ARHGAP42: variants seen among roughly 807,000 people sequenced by gnomAD.
ARHGAP42 encodes rho GTPase-activating protein 42.
In ARHGAP42, 63 loss-of-function variants were observed where a neutral mutation model predicts 125.0. The ratio of observed to expected loss-of-function variants is 0.50; its 90% CI spans 0.41 to 0.62. ARHGAP42 has a LOEUF of 0.62. ARHGAP42 is among the 20% of genes least tolerant of loss of function. The probability of loss-of-function intolerance (pLI) is 0.00; values close to 1 mark genes in which losing one functional copy is unlikely to be tolerated. For synonymous variants in ARHGAP42, 339 were observed against 351.0 expected, an observed-to-expected ratio of 0.97 and a Z score of 0.38; for missense variants, 766 against 1,024.2, an observed-to-expected ratio of 0.75 and a Z score of 3.44.
chr11:100,925,261 A>AC (rs1244265769), intron 6 of ARHGAP42, among the ~76,000 whole-genome samples: 7 of 152,168 alleles, frequency 4.6e-5, no homozygotes, highest in African/African-American at 1.7e-4. Flanking sequence ...GCAATTACCC[A>AC]CAGCTAGTCT....
intron 1 of ARHGAP42, among the ~76,000 whole-genome samples, chr11:100,757,731 G>A (rs752406986): frequency 3.9e-5 from 6 of 152,110 alleles, no homozygotes; most frequent in Non-Finnish European, 8.8e-5. Context: ...TAAACATGTA[G>A]GATAATGAGT....
chr11:100,863,050 A>C (rs1865481436), intron 4 of ARHGAP42, among the ~76,000 whole-genome samples: 1 of 85,864 alleles, frequency 1.2e-5, no homozygotes, highest in Admixed American at 1.3e-4. Context: ...AAAAAAAAAA[A>C]AAACACAAAA....
At chr11:100,705,834 T>G (rs1456362151) in intron 1 of ARHGAP42, among the ~76,000 whole-genome samples, 2 of 152,224 alleles carry the variant, frequency 1.3e-5, no homozygotes, top group African/African-American at 2.4e-5. Context: ...CCCAGAGTGC[T>G]GGGATTATAG....
chr11:100,756,853 T>G (rs897149639), intron 1 of ARHGAP42, among the ~76,000 whole-genome samples: 8 of 152,226 alleles, frequency 5.3e-5, no homozygotes, highest in Admixed American at 4.6e-4. Flanking sequence ...TACATGTTAA[T>G]GGCTCAAATA....
intron 22 of ARHGAP42, among the ~76,000 whole-genome samples, chr11:100,986,788 G>A (rs1379837698): frequency 1.3e-5 from 2 of 151,644 alleles, no homozygotes. Context: ...CCTTTTTAGT[G>A]TTGGCTCAAA....
intron 6 of ARHGAP42, 30 bp downstream of exon 6, chr11:100,921,634 G>T (rs1377824686): frequency 1.5e-6 from 2 of 1,326,624 alleles, no homozygotes; most frequent in African/African-American, 1.5e-5. Flanking sequence ...ATAAATGGTG[G>T]GCTCAAAACA....
At chr11:100,845,951 T>C (rs1417861686) in intron 3 of ARHGAP42, among the ~76,000 whole-genome samples, 1 of 152,178 alleles carries the variant, frequency 6.6e-6, no homozygotes, top group African/African-American at 2.4e-5. Context: ...CATTGCTTAT[T>C]TATTTCTAAT....
intron 4 of ARHGAP42, among the ~76,000 whole-genome samples, chr11:100,910,929 G>A (rs1866895126): frequency 6.6e-6 from 1 of 152,048 alleles, no homozygotes; most frequent in Admixed American, 6.6e-5. Flanking sequence ...AATGATTTTT[G>A]TATTGCCAGA....
chr11:100,742,695 A>G (rs1013090326), intron 1 of ARHGAP42, among the ~76,000 whole-genome samples: 6 of 152,192 alleles, frequency 3.9e-5, no homozygotes, highest in Admixed American at 1.3e-4. Flanking sequence ...CACATAGTAC[A>G]TTAATGCCAG....
intron 4 of ARHGAP42, among the ~76,000 whole-genome samples, chr11:100,883,674 T>C (rs1866015677): frequency 6.6e-6 from 1 of 152,194 alleles, no homozygotes. Context: ...TATTGTTATA[T>C]AAAATATCTG....
At chr11:100,851,986 AG>A (rs1319542902) in intron 3 of ARHGAP42, among the ~76,000 whole-genome samples, 1 of 152,158 alleles carries the variant, frequency 6.6e-6, no homozygotes, top group African/African-American at 2.4e-5. Context: ...ATGAGCACAA[AG>A]GTTCTGTGAG....
chr11:100,903,088 T>G (rs1866597216), intron 4 of ARHGAP42, among the ~76,000 whole-genome samples: 1 of 127,496 alleles, frequency 7.8e-6, no homozygotes, highest in African/African-American at 3.0e-5. Flanking sequence ...TCACATCTCT[T>G]TATTCCTCAA....
intron 4 of ARHGAP42, among the ~76,000 whole-genome samples, chr11:100,893,995 T>C (rs1866283609): frequency 6.6e-6 from 1 of 152,178 alleles, no homozygotes; most frequent in East Asian, 1.9e-4. Flanking sequence ...TCTCACATTT[T>C]ACCCACCAAT....
At chr11:100,701,361 C>T (rs1430362447) in intron 1 of ARHGAP42, among the ~76,000 whole-genome samples, 1 of 152,184 alleles carries the variant, frequency 6.6e-6, no homozygotes, top group Non-Finnish European at 1.5e-5. Context: ...ACAAGAGAGT[C>T]AGCCTGAAGC....
chr11:100,967,138 T>C (rs564221658), intron 17 of ARHGAP42, among the ~76,000 whole-genome samples: 7 of 152,300 alleles, frequency 4.6e-5, no homozygotes. Flanking sequence ...ACACTCTTGA[T>C]CCCTGGCAAC....
chr11:100,958,961 A>T (rs1384375510), intron 12 of ARHGAP42, among the ~76,000 whole-genome samples: 1 of 151,192 alleles, frequency 6.6e-6, no homozygotes, highest in Non-Finnish European at 1.5e-5. Context: ...TTGTCTGGGG[A>T]TCTATTTTGA....
intron 1 of ARHGAP42, among the ~76,000 whole-genome samples, chr11:100,732,803 C>A (rs948205727): frequency 6.6e-6 from 1 of 152,198 alleles, no homozygotes; most frequent in Admixed American, 6.5e-5. Context: ...TAACCTTAAG[C>A]AGCAATTTTA....
At position 100,979,677 on chromosome 11, in the gene ARHGAP42, T is replaced by C. The variant is rs199512346; in HGVS notation, c.2456+628T>C. ...GGTTTTTAATTTGAATAATGGAATT[T>C]CATAAAGTCAGAGGCTTTTCATTAT... On this transcript the variant is annotated intron_variant, in intron 22 of 23. Transcript: ENST00000298815. Among the ~76,000 whole-genome samples the C allele has an allele frequency of 3.4e-5, 5 of 148,386 alleles. No homozygotes were observed. The East Asian group carries it at 9.9e-4, about 29-fold the overall frequency.
At chr11:100,859,780 T>C (rs1006147808) in intron 4 of ARHGAP42, 155 bp downstream of exon 4, 7 of 522,250 alleles carry the variant, frequency 1.3e-5, no homozygotes, top group Middle Eastern at 5.1e-4. Context: ...AAGACTGGAC[T>C]TCTTTTAGAC....
Sources: allele counts gnomAD v4.1 joint callset (sites outside exome capture counted in the v4.1 genomes callset), GRCh38; gene constraint gnomAD v4.1.1; transcripts MANE v1.5; gene names NCBI Gene and HGNC (gene_info 2026-07-23, HGNC 2026-07-21).